MYO16: variants seen among roughly 807,000 people sequenced by gnomAD.
MYO16 encodes unconventional myosin-XVI.
MYO16 carries 94 observed loss-of-function variants against 205.3 expected under a neutral mutation model. The observed-to-expected ratio is 0.46, with a 90% CI of 0.39 to 0.54. The LOEUF is 0.54. MYO16 is among the 20% of genes least tolerant of loss of function. MYO16 has a pLI of 0.00. For missense variants in MYO16, 2,315 were observed against 2,387.5 expected, an observed-to-expected ratio of 0.97 and a Z score of 0.63; for synonymous variants, 988 against 954.0, an observed-to-expected ratio of 1.04 and a Z score of -0.66.
chr13:109,131,994 G>A (rs545022570), intron 31 of MYO16, among the ~76,000 whole-genome samples: 3 of 152,290 alleles, frequency 2.0e-5, no homozygotes, highest in East Asian at 1.9e-4. Context: ...GAGTTAAGAA[G>A]CAAAGGACTG....
chr13:108,971,135 C>G (rs1287842626), intron 20 of MYO16, among the ~76,000 whole-genome samples: 1 of 151,962 alleles, frequency 6.6e-6, no homozygotes, highest in Non-Finnish European at 1.5e-5. Flanking sequence ...ACTTACATCC[C>G]CAAGATTGAA....
chr13:109,122,417 G>A (rs1329920491), intron 29 of MYO16, among the ~76,000 whole-genome samples: 3 of 152,106 alleles, frequency 2.0e-5, no homozygotes, highest in African/African-American at 4.8e-5. Context: ...AGTGGCTCAC[G>A]CCTGTATTCT....
intron 21 of MYO16, among the ~76,000 whole-genome samples, chr13:109,005,792 C>T (rs1458336147): frequency 6.6e-6 from 1 of 152,198 alleles, no homozygotes; most frequent in East Asian, 1.9e-4. Context: ...TCTGTGTTCA[C>T]ACCAATGTTC....
chr13:109,090,104 T>A (rs1407135403), intron 27 of MYO16, among the ~76,000 whole-genome samples: 1 of 152,174 alleles, frequency 6.6e-6, no homozygotes, highest in Non-Finnish European at 1.5e-5. Context: ...CCTGTTCTCC[T>A]TAGTTTGGAA....
At chr13:108,940,885 T>C (rs1882696819) in intron 16 of MYO16, among the ~76,000 whole-genome samples, 2 of 152,222 alleles carry the variant, frequency 1.3e-5, no homozygotes, top group Admixed American at 1.3e-4. Context: ...GTATGCATAA[T>C]TAAATTAACT....
chr13:108,581,123 T>C, the MYO16 span, among the ~76,000 whole-genome samples: 1 of 139,266 alleles, frequency 7.2e-6, no homozygotes, highest in Admixed American at 7.6e-5. Context: ...ATACAGTACA[T>C]ATAAACATTT....
intron 27 of MYO16, among the ~76,000 whole-genome samples, chr13:109,097,319 A>G (rs55641724): frequency 1.3e-3 from 200 of 152,170 alleles, no homozygotes; most frequent in African/African-American, 4.7e-3. Context: ...ACAAGAGTGA[A>G]ACTCTGTTCA....
chr13:108,936,092 CCTTCCTT>C (rs1882466551), intron 16 of MYO16, among the ~76,000 whole-genome samples: 1 of 20,084 alleles, frequency 5.0e-5, no homozygotes, highest in Admixed American at 6.7e-4. Flanking sequence ...TAGTTTCCTT[CCTTCCTT>C]CCTTCCTTCC....
chr13:108,532,324 A>G, the MYO16 span, among the ~76,000 whole-genome samples: 2 of 152,018 alleles, frequency 1.3e-5, no homozygotes, highest in Admixed American at 1.3e-4. Flanking sequence ...TTTAAGTCAA[A>G]TGGGTAACAG....
At chr13:109,026,336 A>G (rs1304902877) in intron 23 of MYO16, among the ~76,000 whole-genome samples, 1 of 151,894 alleles carries the variant, frequency 6.6e-6, no homozygotes. Flanking sequence ...AGGCAGAGAG[A>G]GATTTGAGAG....
At chr13:108,970,532 C>T (rs1484008736) in intron 20 of MYO16, among the ~76,000 whole-genome samples, 4 of 152,154 alleles carry the variant, frequency 2.6e-5, no homozygotes, top group South Asian at 2.1e-4. Flanking sequence ...GCAAGGCCTG[C>T]GGGGGCAGCT....
intron 34 of MYO16, among the ~76,000 whole-genome samples, chr13:109,191,074 C>T (rs921256039): frequency 3.3e-5 from 5 of 151,952 alleles, no homozygotes; most frequent in Non-Finnish European, 2.9e-5. Context: ...CAAAAATTAG[C>T]CGGGCATCGT....
intron 12 of MYO16, among the ~76,000 whole-genome samples, chr13:108,870,322 G>C (rs984924151): frequency 1.3e-5 from 2 of 151,722 alleles, no homozygotes; most frequent in African/African-American, 2.4e-5. Flanking sequence ...GGGCATCTAT[G>C]TTCATGAAAA....
At position 109,201,491 on chromosome 13, in the gene MYO16, C is replaced by CAAAAAAAAAAA. The variant is rs3042152; in HGVS notation, c.5416-5107_5416-5097dup. ...TTCCATCTGGAATCATCGTCTTCTA[C>CAAAAAAAAAAA]AAAAAAAAAAAAAAAAAAAAATCTT... On this transcript the variant is annotated intron_variant, in intron 34 of 34. Transcript: ENST00000457511. The CAAAAAAAAAAA allele has an allele frequency of 3.4e-3, 330 of 97,326 alleles. 21 individuals carry two copies. Among genetic ancestry groups the CAAAAAAAAAAA allele is most frequent in the African/African-American group, 0.012 (299 of 24,752 alleles). The allele number at this position is 97,326 out of a possible 1,614,324, so 6.0% of individuals were successfully genotyped here. A position where few individuals can be genotyped will look rare whatever the true frequency, so the allele number is the denominator to read the frequency against.
chr13:108,875,289 C>T (rs143496760), intron 12 of MYO16, among the ~76,000 whole-genome samples: 43 of 152,180 alleles, frequency 2.8e-4, no homozygotes, highest in African/African-American at 6.0e-4. Flanking sequence ...TGATGATATT[C>T]GCTGGACCCA....
intron 31 of MYO16, among the ~76,000 whole-genome samples, chr13:109,129,013 C>G (rs1433933427): frequency 6.6e-6 from 1 of 151,342 alleles, no homozygotes; most frequent in African/African-American, 2.4e-5. Context: ...CTCAAGTGAT[C>G]TGCCTGCCTT....
intron 2 of MYO16, among the ~76,000 whole-genome samples, chr13:108,681,636 T>C (rs1323595122): frequency 6.6e-6 from 1 of 152,010 alleles, no homozygotes; most frequent in Non-Finnish European, 1.5e-5. Flanking sequence ...GAACATGTGC[T>C]CCTTGTTATT....
At position 109,207,006 on chromosome 13, in the gene MYO16, T is replaced by TTTG. The variant is rs1880628508; in HGVS notation, c.*171_*172insTGT. Reference sequence around the variant, plus strand: ...AGATCCCGTGTGTGTGTGTGTGTGTTTGTGTGTGTGTGTGTGGGTTCTTTC... The same window carrying TTTG: ...AGATCCCGTGTGTGTGTGTGTGTGTTTTGTGTGTGTGTGTGTGTGGGTTCTTTC... On this transcript the variant is annotated 3_prime_UTR_variant, in exon 35 of 35. Coordinates refer to ENST00000457511, the MANE Select transcript of MYO16 (RefSeq NM_001198950.3). 1.4e-5 allele frequency: 4 copies of TTTG among 283,088 alleles called. No homozygotes were observed. Among genetic ancestry groups the TTTG allele is most frequent in the African/African-American group, 1.2e-4 (3 of 25,320 alleles). The allele number at this position is 283,088 out of a possible 1,614,324, so 17.5% of individuals were successfully genotyped here.
rs538761336 is a variant in MYO16 at position 109,112,453 on chromosome 13, A to T, written c.3439-7917A>T. Among the ~76,000 whole-genome samples, 183 of 152,274 alleles carry T rather than the reference A, an allele frequency of 1.2e-3. 1 individual carries two copies. The highest frequency in any genetic ancestry group is 4.3e-3 in the African/African-American group (179 of 41,568). On this transcript the variant is annotated intron_variant, in intron 28 of 34. Coordinates refer to ENST00000457511, the MANE Select transcript of MYO16 (RefSeq NM_001198950.3). ...CAAATAGTTTAAATAAGTTGAAAATATTTAAGATTTAATTTTTGATGGCCG... is the reference window on the plus strand; with the variant it reads ...CAAATAGTTTAAATAAGTTGAAAATTTTTAAGATTTAATTTTTGATGGCCG...
Sources: gnomAD v4.1 joint callset for allele counts (sites outside exome capture counted in the v4.1 genomes callset) on GRCh38, gnomAD v4.1.1 for gene constraint, MANE v1.5 for transcripts, NCBI Gene and HGNC (gene_info 2026-07-23, HGNC 2026-07-21) for gene names.